GRIP2: variants seen among roughly 807,000 people sequenced by gnomAD.
GRIP2 encodes glutamate receptor interacting protein 2.
In GRIP2, 58 loss-of-function variants were observed where a neutral mutation model predicts 108.3. The ratio of observed to expected loss-of-function variants is 0.54; its 90% CI spans 0.43 to 0.67. The LOEUF (loss-of-function observed/expected upper bound fraction) is 0.67, where lower values mean the gene tolerates loss of function less well. Ranked by LOEUF, GRIP2 falls within the 30% of genes least tolerant of loss-of-function variation. The probability of loss-of-function intolerance (pLI) is 0.00; values close to 1 mark genes in which losing one functional copy is unlikely to be tolerated. For synonymous variants in GRIP2, 586 were observed against 598.2 expected (o/e 0.98, Z 0.30); for missense variants, 1,278 against 1,430.6 (o/e 0.89, Z 1.72).
intron 16 of GRIP2, among the ~76,000 whole-genome samples, 172 bp downstream of exon 16, chr3:14,510,993 C>A (rs763293954): frequency 4.4e-4 from 67 of 152,210 alleles, no homozygotes; most frequent in Non-Finnish European, 1.5e-4. Context: ...ACGCCGGGGA[C>A]AGTGAGAAAT....
chr3:14,558,309 G>A (rs960587295), upstream of GRIP2, among the ~76,000 whole-genome samples: 2 of 152,332 alleles, frequency 1.3e-5, no homozygotes. Flanking sequence ...AACCCCTATT[G>A]TGGGCCAGGC....
At chr3:14,532,030 T>C (rs1694722004) in intron 1 of GRIP2, among the ~76,000 whole-genome samples, 1 of 152,148 alleles carries the variant, frequency 6.6e-6, no homozygotes, top group Non-Finnish European at 1.5e-5. Flanking sequence ...CCTCTGCGGC[T>C]CCAGCTTAGC....
chr3:14,582,761 T>C, the GRIP2 span, among the ~76,000 whole-genome samples: 1 of 152,230 alleles, frequency 6.6e-6, no homozygotes, highest in Non-Finnish European at 1.5e-5. Flanking sequence ...TCCCTCTCTA[T>C]CCCCTGATTC....
Position 14,525,947 on chromosome 3 carries a change from A to G in GRIP2, c.41-16T>C, listed in dbSNP as rs1364193251. 6.4e-7 allele frequency: 1 copy of G among 1,551,442 alleles called. No individual in the cohort carries two copies. Among genetic ancestry groups the G allele is most frequent in the Non-Finnish European group, 8.7e-7 (1 of 1,146,358 alleles). ...GGCCCATCGTCTGCAGGAGAGAAAG[A>G]GGGAAAGGCCGAGTTCCACTTTCGT... is the stretch of plus-strand genomic sequence containing the variant. On this transcript the variant is annotated splice_polypyrimidine_tract_variant and intron_variant, in intron 1 of 23. Transcript: ENST00000621039.
the GRIP2 span, among the ~76,000 whole-genome samples, chr3:14,599,108 T>C: frequency 6.6e-6 from 1 of 152,226 alleles, no homozygotes; most frequent in Non-Finnish European, 1.5e-5. Flanking sequence ...CCCTCTAGAA[T>C]GTAAACTCTG....
chr3:14,523,394 AT>A, intron 5 of GRIP2: 1 of 581,146 alleles, frequency 1.7e-6, no homozygotes. Context: ...TTTCACCATC[AT>A]TTTCCGGTAC....
chr3:14,550,676 G>C (rs1439373470), intron 1 of GRIP2, among the ~76,000 whole-genome samples: 1 of 152,100 alleles, frequency 6.6e-6, no homozygotes, highest in Non-Finnish European at 1.5e-5. Flanking sequence ...CGGTCTTTAG[G>C]GGCTGCTTCA....
In GRIP2 at chr3:14,517,163, A is replaced by G. The variant is rs746031321; in HGVS notation, c.1207T>C (p.Cys403Arg). The G allele has an allele frequency of 3.1e-6, 5 of 1,608,490 alleles. No homozygotes were observed. The highest frequency in any genetic ancestry group is 2.3e-5 in the East Asian group (1 of 44,268). ...SSPTLNHAFS[C>R]NNPSTLPRGS... ...CGGGGAAGGGTGCTGGGGTTGTTGC[A>G]GGAAAAGGCGTGGTTCAAGGTCGGC... Residue 403 changes from cysteine to arginine, a missense_variant, in exon 11 of 24, where the codon TGC becomes CGC. Cys to Arg is a radical substitution (Grantham distance 180). Transcript: ENST00000621039.
the GRIP2 span, among the ~76,000 whole-genome samples, chr3:14,581,178 T>C: frequency 5.3e-5 from 8 of 152,336 alleles, 1 homozygote; most frequent in South Asian, 1.7e-3. Flanking sequence ...GTTCTCTTTC[T>C]GTGGAGAACT....
At chr3:14,594,363 G>A in the GRIP2 span, among the ~76,000 whole-genome samples, 1 of 152,342 alleles carries the variant, frequency 6.6e-6, no homozygotes, top group Admixed American at 6.5e-5. Flanking sequence ...AGGAGGAAGA[G>A]CAGACTCGGG....
the GRIP2 span, among the ~76,000 whole-genome samples, chr3:14,593,907 G>A: frequency 6.6e-6 from 1 of 152,204 alleles, no homozygotes; most frequent in Non-Finnish European, 1.5e-5. Context: ...CACACCCCCA[G>A]TGAAAGCTCA....
upstream of GRIP2, chr3:14,540,505 G>C: frequency 1.5e-6 from 2 of 1,298,630 alleles, no homozygotes; most frequent in Non-Finnish European, 2.1e-6. This position sits in a 1 kb window ranked among gnomAD's most constrained non-coding sequence, Gnocchi z 4.1. Context: ...TCCAGGACAG[G>C]GTCCAACATG....
At chr3:14,593,445 C>T in the GRIP2 span, among the ~76,000 whole-genome samples, 1 of 152,194 alleles carries the variant, frequency 6.6e-6, no homozygotes, top group Non-Finnish European at 1.5e-5. Context: ...CGACCATTTG[C>T]TGTGTGCATC....
intron 5 of GRIP2, 69 bp from the exon 6 acceptor site, chr3:14,523,144 C>G: frequency 8.4e-7 from 1 of 1,188,626 alleles, no homozygotes; most frequent in Non-Finnish European, 1.2e-6. Flanking sequence ...TCCCACACAG[C>G]CCCTGAGCAG....
At chr3:14,510,065 T>C in intron 16 of GRIP2, 101 bp from the exon 17 acceptor site, 1 of 1,103,658 alleles carries the variant, frequency 9.1e-7, no homozygotes, top group Non-Finnish European at 1.2e-6. Context: ...TATTAATTCA[T>C]TCACCCAGTC....
chr3:14,595,632 C>G, the GRIP2 span, among the ~76,000 whole-genome samples: 1 of 152,252 alleles, frequency 6.6e-6, no homozygotes, highest in Non-Finnish European at 1.5e-5. Flanking sequence ...CAGGCACTGT[C>G]TGAGACACCC....
intron 20 of GRIP2, among the ~76,000 whole-genome samples, chr3:14,504,253 A>G (rs936682235): frequency 2.6e-5 from 4 of 152,096 alleles, no homozygotes; most frequent in African/African-American, 7.2e-5. Context: ...GCCACTTGCT[A>G]ATTACAAAGG....
the GRIP2 span, chr3:14,572,779 G>C: frequency 1.3e-5 from 8 of 622,542 alleles, no homozygotes; most frequent in Admixed American, 2.7e-5. Context: ...TGGTAAGCCT[G>C]TGAGGCTCAG....
chr3:14,540,086 C>G lies in GRIP2; in HGVS notation c.40+183G>C, dbSNP rs1383204758. On this transcript the variant is annotated intron_variant, in intron 1 of 23. Transcript: ENST00000621039. The surrounding 1 kb of genome is among the most constrained non-coding windows in gnomAD (Gnocchi z 4.1). ...GAGGCTCAGCCATCCTGCTACAGGA[C>G]AGTGGCCAGGGTCAGACAGACAGCC... is the stretch of plus-strand genomic sequence containing the variant. Among the ~76,000 whole-genome samples, 3 of 152,146 alleles carry G rather than the reference C, an allele frequency of 2.0e-5. No homozygotes were observed. Among genetic ancestry groups the G allele is most frequent in the African/African-American group, 7.2e-5 (3 of 41,434 alleles).
Sources: gnomAD v4.1 joint callset for allele counts (sites outside exome capture counted in the v4.1 genomes callset) on GRCh38, gnomAD v4.1.1 for gene constraint, Gnocchi (gnomAD v3.1) non-coding constraint, MANE v1.5 for transcripts, NCBI Gene and HGNC (gene_info 2026-07-23, HGNC 2026-07-21) for gene names.